Variants in AFF1 observed in about 807,000 individuals in gnomAD.
AFF1 encodes the protein AF4/FMR2 family member 1.
A neutral mutation model predicts 121.7 loss-of-function variants in AFF1; 48 were observed. That is an observed-to-expected ratio of 0.39 (90% CI 0.31 to 0.50). The LOEUF is 0.50. Among genes scored for constraint, AFF1 ranks in the 20% least tolerant of loss-of-function variants. AFF1 has a pLI of 0.76. For synonymous variants in AFF1, 613 were observed against 563.0 expected, an observed-to-expected ratio of 1.09 and a Z score of -1.26; for missense variants, 1,523 against 1,511.7, an observed-to-expected ratio of 1.01 and a Z score of -0.12.
intron 2 of AFF1, among the ~76,000 whole-genome samples, chr4:86,954,329 G>A (rs1721587911): frequency 6.6e-6 from 1 of 152,152 alleles, no homozygotes; most frequent in Non-Finnish European, 1.5e-5. Context: ...CAGTTGACTG[G>A]AAGCCTTATG....
chr4:87,125,749 G>A (rs1405755776), intron 13 of AFF1, among the ~76,000 whole-genome samples: 1 of 152,186 alleles, frequency 6.6e-6, no homozygotes, highest in Non-Finnish European at 1.5e-5. Context: ...TGTGGGAACC[G>A]ACAGAGATGG....
intron 4 of AFF1, among the ~76,000 whole-genome samples, chr4:87,051,852 C>A (rs1173378586): frequency 2.0e-5 from 3 of 152,116 alleles, no homozygotes; most frequent in Non-Finnish European, 1.5e-5. Flanking sequence ...GTAGACAGAT[C>A]CCTGGTCTCA....
chr4:86,980,033 G>A (rs577476842), intron 2 of AFF1, among the ~76,000 whole-genome samples: 11 of 152,110 alleles, frequency 7.2e-5, no homozygotes, highest in Non-Finnish European at 1.3e-4. Flanking sequence ...GCCTCAGCCT[G>A]CCGAGTAGGT....
At chr4:87,048,163 TTATAAC>T (rs1730913497) in intron 4 of AFF1, 1 of 155,042 alleles carries the variant, frequency 6.4e-6, no homozygotes, top group African/African-American at 2.4e-5. Flanking sequence ...GTAAGGAACT[TTATAAC>T]TAAAGTTCTG....
intron 1 of AFF1, among the ~76,000 whole-genome samples, chr4:86,940,927 A>G (rs1399656727): frequency 6.6e-6 from 1 of 151,626 alleles, no homozygotes; most frequent in East Asian, 2.0e-4. Flanking sequence ...GTCTCTACTA[A>G]AAATACAAAA....
At chr4:87,041,024 C>T (rs571228876) in intron 2 of AFF1, among the ~76,000 whole-genome samples, 117 of 151,274 alleles carry the variant, frequency 7.7e-4, no homozygotes, top group African/African-American at 2.4e-3. Context: ...TACAGGTGTG[C>T]GCCACCACGC....
chr4:86,981,380 A>AT (rs1723743961), intron 2 of AFF1, among the ~76,000 whole-genome samples: 1 of 147,818 alleles, frequency 6.8e-6, no homozygotes, highest in Non-Finnish European at 1.5e-5. Context: ...TATTTTCTTT[A>AT]TTTTTGAGAT....
intron 2 of AFF1, among the ~76,000 whole-genome samples, chr4:87,025,636 T>C (rs985419844): frequency 3.3e-5 from 5 of 152,168 alleles, no homozygotes; most frequent in African/African-American, 9.7e-5. Flanking sequence ...GAGACAGATA[T>C]GGCTGTCACG....
intron 8 of AFF1, among the ~76,000 whole-genome samples, chr4:87,101,617 C>G (rs574773968): frequency 2.6e-5 from 4 of 152,088 alleles, no homozygotes; most frequent in Non-Finnish European, 5.9e-5. Context: ...TGGATGTGCT[C>G]TGGAGCCCAG....
At chr4:87,105,915 C>T in intron 10 of AFF1, 70 bp downstream of exon 10, 1 of 1,554,070 alleles carries the variant, frequency 6.4e-7, no homozygotes, top group Admixed American at 1.7e-5. Flanking sequence ...AAAATAAAGC[C>T]TTATTTAGTA....
intron 4 of AFF1, among the ~76,000 whole-genome samples, chr4:87,074,389 C>T (rs1384366101): frequency 6.6e-6 from 1 of 152,074 alleles, no homozygotes; most frequent in African/African-American, 2.4e-5. Context: ...CATGGGGCCT[C>T]ATGTGGTCTT....
chr4:87,064,011 T>C (rs1475212484), intron 4 of AFF1, among the ~76,000 whole-genome samples: 2 of 152,214 alleles, frequency 1.3e-5, no homozygotes, highest in Non-Finnish European at 2.9e-5. Context: ...TTTTTAAATG[T>C]TACACTTTTT....
chr4:87,087,515 C>G (rs1031956478), intron 5 of AFF1, among the ~76,000 whole-genome samples: 7 of 152,216 alleles, frequency 4.6e-5, no homozygotes, highest in African/African-American at 1.7e-4. Flanking sequence ...CCAGGGCTGA[C>G]GTAGGTCCCA....
chr4:87,006,502 G>A (rs1383180656), intron 2 of AFF1, among the ~76,000 whole-genome samples: 1 of 152,182 alleles, frequency 6.6e-6, no homozygotes, highest in Non-Finnish European at 1.5e-5. Flanking sequence ...TCCAAAAAAG[G>A]CGGGCTGTTT....
chr4:87,115,431 C>T, intron 12 of AFF1, 132 bp downstream of exon 12: 1 of 948,186 alleles, frequency 1.1e-6, no homozygotes, highest in Non-Finnish European at 1.5e-6. Context: ...TCGCTGTAGC[C>T]TTTGCATCTT....
rs575732271 is a variant in AFF1, at chr4:86,955,304, T to G, written c.38+6733T>G. On this transcript the variant is annotated intron_variant, in intron 2 of 20. Transcript: ENST00000395146. ...CACTTGAACAGAATGTTCATATTGA[T>G]TAGGACTAATGAACTATCATTAACT... 1.5e-4 allele frequency among the ~76,000 whole-genome samples: 23 copies of G among 152,378 alleles called. 2 individuals carry two copies. In the East Asian group the frequency reaches 3.3e-3, roughly 22 times the overall value.
chr4:87,024,233 T>C (rs1728307079), intron 2 of AFF1, among the ~76,000 whole-genome samples: 1 of 152,192 alleles, frequency 6.6e-6, no homozygotes, highest in African/African-American at 2.4e-5. Context: ...ATGTGGCCAG[T>C]GACCCATGAT....
chr4:87,054,823 C>T (rs1374301371), intron 4 of AFF1, among the ~76,000 whole-genome samples: 3 of 152,194 alleles, frequency 2.0e-5, no homozygotes, highest in Non-Finnish European at 4.4e-5. Context: ...TGTAAACCAG[C>T]AGCCTGAGGG....
intron 2 of AFF1, among the ~76,000 whole-genome samples, chr4:86,981,049 G>T (rs766309188): frequency 6.6e-6 from 1 of 151,122 alleles, no homozygotes; most frequent in African/African-American, 2.4e-5. Context: ...GTCTCGCTCT[G>T]TCGCCCAGGC....
Sources: gnomAD v4.1 joint callset for allele counts (sites outside exome capture counted in the v4.1 genomes callset) on GRCh38, gnomAD v4.1.1 for gene constraint, MANE v1.5 for transcripts, NCBI Gene and HGNC (gene_info 2026-07-23, HGNC 2026-07-21) for gene names.